C1QTNF9: variants seen among roughly 807,000 people sequenced by gnomAD.
C1QTNF9 encodes the protein C1q and TNF related 9.
Under a neutral mutation model 10.1 loss-of-function variants are expected in C1QTNF9, and 6 were observed. The observed-to-expected ratio is 0.59, with a 90% CI of 0.32 to 1.17. C1QTNF9 has a LOEUF of 1.17. C1QTNF9 is among the 50% of genes most tolerant of loss of function. The pLI is 0.04. For missense variants in C1QTNF9, 201 were observed against 418.8 expected, an observed-to-expected ratio of 0.48 and a Z score of 4.54; for synonymous variants, 98 against 163.5, an observed-to-expected ratio of 0.60 and a Z score of 3.06.
chr13:24,309,687 T>C (rs1456120375), intron 1 of C1QTNF9, 71 bp downstream of exon 1: 1 of 152,194 alleles, frequency 6.6e-6, no homozygotes, highest in African/African-American at 2.4e-5. Flanking sequence ...ACGCTTATAT[T>C]ATCTGTGGGA....
chr13:24,321,320 G>C lies in C1QTNF9; in HGVS notation c.554G>C (p.Gly185Ala). 1 of 1,580,958 alleles carries C rather than the reference G, an allele frequency of 6.3e-7. No individual in the cohort carries two copies. Among genetic ancestry groups the C allele is most frequent in the African/African-American group, 1.4e-5 (1 of 71,262 alleles). ...GTCCGGGGAATAAGAGGCTGGAAAG[G>C]AGATCGAGGAGAGAAAGGGAAAATC... The change falls in exon 4 of 4, where the codon GGA becomes GCA. Residue 185 changes from glycine (G) to alanine (A), a missense_variant. By Grantham distance (60) the Gly-to-Ala change is moderately conservative. Coordinates refer to ENST00000332018, the Ensembl canonical transcript of C1QTNF9.
chr13:24,311,350 G>A (rs1269836783), intron 1 of C1QTNF9, among the ~76,000 whole-genome samples: 1 of 152,174 alleles, frequency 6.6e-6, no homozygotes, highest in Admixed American at 6.5e-5. Flanking sequence ...CTATTTTGGG[G>A]GGACTAAAAA....
chr13:24,317,942 A>G (rs905384406), intron 2 of C1QTNF9, among the ~76,000 whole-genome samples: 3 of 152,078 alleles, frequency 2.0e-5, no homozygotes, highest in African/African-American at 7.2e-5. Context: ...CCCACTCAGG[A>G]GCGCTGGTGT....
At chr13:24,312,762 C>T (rs1458848714) in intron 1 of C1QTNF9, among the ~76,000 whole-genome samples, 5 of 151,866 alleles carry the variant, frequency 3.3e-5, no homozygotes, top group Admixed American at 6.6e-5. Flanking sequence ...CGAGACCATC[C>T]TGGCTAACAT....
At chr13:24,320,066 G>C (rs1157108440) in intron 3 of C1QTNF9, among the ~76,000 whole-genome samples, 1 of 152,092 alleles carries the variant, frequency 6.6e-6, no homozygotes, top group Non-Finnish European at 1.5e-5. Flanking sequence ...GGTGGGATAG[G>C]TGGGTTGGGG....
At chr13:24,320,414 T>TC (rs1222452426) in intron 3 of C1QTNF9, among the ~76,000 whole-genome samples, 2 of 152,164 alleles carry the variant, frequency 1.3e-5, no homozygotes, top group African/African-American at 2.4e-5. Context: ...AGACAGAATC[T>TC]CACTCTGTTG....
At chr13:24,317,539 A>T (rs764785287) in intron 2 of C1QTNF9, among the ~76,000 whole-genome samples, 31 of 152,046 alleles carry the variant, frequency 2.0e-4, no homozygotes, top group Non-Finnish European at 2.6e-4. Context: ...ATTATATATA[A>T]TATATATTAC....
At chr13:24,309,127 G>A (rs1193556512), upstream of C1QTNF9, among the ~76,000 whole-genome samples, 2 of 151,758 alleles carry the variant, frequency 1.3e-5, no homozygotes, top group African/African-American at 4.9e-5. Flanking sequence ...CCTGTTGCCC[G>A]TAATTACCCC....
exon 2 of C1QTNF9, chr13:24,316,039 C>A: frequency 6.2e-7 from 1 of 1,613,768 alleles, no homozygotes; most frequent in Non-Finnish European, 8.5e-7. Context: ...CCATTGAAAT[C>A]TGCACAGGGA....
At chr13:24,316,344 C>T (rs1878038040) in intron 2 of C1QTNF9, among the ~76,000 whole-genome samples, 175 bp downstream of exon 2, 1 of 152,090 alleles carries the variant, frequency 6.6e-6, no homozygotes, top group East Asian at 1.9e-4. Context: ...CACCCATCTG[C>T]CCAGCAACAC....
chr13:24,315,857 G>A, intron 1 of C1QTNF9, 125 bp from the exon 2 acceptor site: 1 of 1,012,704 alleles, frequency 9.9e-7, no homozygotes, highest in South Asian at 1.6e-5. Flanking sequence ...TTCTGTCCAA[G>A]TTTGTGCAGG....
At chr13:24,319,997 T>C (rs780372780) in intron 3 of C1QTNF9, among the ~76,000 whole-genome samples, 1 of 152,060 alleles carries the variant, frequency 6.6e-6, no homozygotes, top group African/African-American at 2.4e-5. Context: ...CAACCACGGC[T>C]CTTTGGTATG....
At position 24,321,050 on chromosome 13, in the gene C1QTNF9, G is replaced by A; in HGVS notation, c.284G>A (p.Gly95Glu). ...ATCAAAGGTGATCAAGGCTCAAGAG[G>A]ATCCCCAGGAAAACATGGCCCCAAG... Residue 95 changes from glycine to glutamate, a missense_variant, in exon 4 of 4, where the codon GGA (glycine) becomes GAA (glutamate). Coordinates refer to ENST00000332018, the Ensembl canonical transcript of C1QTNF9. 3 of 1,565,840 alleles carry A rather than the reference G, an allele frequency of 1.9e-6. No individual in the cohort carries two copies. Among genetic ancestry groups the A allele is most frequent in the Non-Finnish European group, 2.6e-6 (3 of 1,156,972 alleles).
At chr13:24,315,359 A>G (rs1213744161) in intron 1 of C1QTNF9, among the ~76,000 whole-genome samples, 2 of 152,202 alleles carry the variant, frequency 1.3e-5, no homozygotes, top group Admixed American at 6.5e-5. Context: ...AGGTCCATTC[A>G]TGTTGTAACA....
chr13:24,315,708 T>C (rs1877994705), intron 1 of C1QTNF9: 1 of 496,734 alleles, frequency 2.0e-6, no homozygotes, highest in Non-Finnish European at 3.5e-6. Flanking sequence ...AGTGAAATGA[T>C]GAACGGAAGA....
At chr13:24,308,141 C>G (rs1299954810), upstream of C1QTNF9, among the ~76,000 whole-genome samples, 1 of 152,208 alleles carries the variant, frequency 6.6e-6, no homozygotes, top group African/African-American at 2.4e-5. Flanking sequence ...GGTGGAGGCC[C>G]GAGGCTGTGC....
chr13:24,318,417 A>T (rs1281414395), intron 2 of C1QTNF9, among the ~76,000 whole-genome samples: 1 of 152,212 alleles, frequency 6.6e-6, no homozygotes, highest in Non-Finnish European at 1.5e-5. Context: ...CCTCAAGAGT[A>T]ATGGAAGAGA....
At chr13:24,314,349 G>A (rs1293825811) in intron 1 of C1QTNF9, among the ~76,000 whole-genome samples, 1 of 150,926 alleles carries the variant, frequency 6.6e-6, no homozygotes, top group Non-Finnish European at 1.5e-5. Context: ...ACCAGCCTGG[G>A]CAACAGAGTG....
intron 2 of C1QTNF9, among the ~76,000 whole-genome samples, chr13:24,318,523 A>G (rs1448647789): frequency 6.6e-6 from 1 of 151,626 alleles, no homozygotes; most frequent in Non-Finnish European, 1.5e-5. Flanking sequence ...GTCAGTCCCC[A>G]TTGCACACAC....
Sources: allele counts gnomAD v4.1 joint callset (sites outside exome capture counted in the v4.1 genomes callset), GRCh38; gene constraint gnomAD v4.1.1; transcripts MANE v1.5; gene names NCBI Gene and HGNC (gene_info 2026-07-23, HGNC 2026-07-21).